Variants in NHLRC2 observed in about 807,000 individuals in gnomAD.
NHLRC2 encodes the protein NHL repeat containing 2, also known as NHL repeat-containing protein 2.
NHLRC2 carries 33 observed loss-of-function variants against 68.1 expected under a neutral mutation model. The observed-to-expected ratio is 0.48, with a 90% confidence interval of 0.37 to 0.65. The LOEUF (loss-of-function observed/expected upper bound fraction) is 0.65, where lower values mean the gene tolerates loss of function less well. Ranked by LOEUF, NHLRC2 falls within the 30% of genes least tolerant of loss-of-function variation. The probability of loss-of-function intolerance (pLI) is 0.00; values close to 1 mark genes in which losing one functional copy is unlikely to be tolerated. For missense variants in NHLRC2, 761 were observed against 853.8 expected (o/e 0.89, Z 1.35); for synonymous variants, 311 against 309.6 (o/e 1.00, Z -0.05).
At position 113,910,083 on chromosome 10, in the gene NHLRC2, T is replaced by G. The variant is rs1445631264; in HGVS notation, c.*1547T>G. The G allele has an allele frequency of 6.6e-6, 1 of 152,220 alleles. No individual in the cohort carries two copies. Among genetic ancestry groups the G allele is most frequent in the Non-Finnish European group, 1.5e-5 (1 of 68,038 alleles). The allele number at this position is 152,220 out of a possible 1,614,324, so 9.4% of individuals were successfully genotyped here. A position where few individuals can be genotyped will look rare whatever the true frequency, so the allele number is the denominator to read the frequency against. On this transcript the variant is annotated 3_prime_UTR_variant, in exon 11 of 11. Transcript: ENST00000369301. ...GATATAAAATTAAAAGGAATCCTGT[T>G]TAAAATTATATGTAATTACCTCATA...
intron 2 of NHLRC2, among the ~76,000 whole-genome samples, chr10:113,866,735 C>T (rs960114829): frequency 6.6e-6 from 1 of 151,618 alleles, no homozygotes. Context: ...CTCGCCTGCC[C>T]GCCTCCCCGC....
At chr10:113,896,807 AC>A (rs796584192) in intron 5 of NHLRC2, among the ~76,000 whole-genome samples, 3 of 152,164 alleles carry the variant, frequency 2.0e-5, no homozygotes, top group African/African-American at 7.2e-5. Flanking sequence ...ATCCTGGCTA[AC>A]ACAGTGAAAC....
At chr10:113,890,507 A>T (rs886653761) in intron 5 of NHLRC2, among the ~76,000 whole-genome samples, 1 of 151,852 alleles carries the variant, frequency 6.6e-6, no homozygotes, top group Non-Finnish European at 1.5e-5. Flanking sequence ...CTGTGGTTTG[A>T]TGTTCATTAT....
intron 4 of NHLRC2, among the ~76,000 whole-genome samples, chr10:113,883,886 G>A (rs1256624431): frequency 6.6e-6 from 1 of 151,892 alleles, no homozygotes; most frequent in Non-Finnish European, 1.5e-5. Context: ...TACTAGCTGA[G>A]CACAACTGAA....
chr10:113,913,847 GTT>G lies in NHLRC2; in HGVS notation c.*5328_*5329del, dbSNP rs1166883832. ...AGGTACTTTTTGTTGTTGTTGTTTT[GTT>G]TTTTTTTTTTTTTTTTGAGATGGAG... is the stretch of plus-strand genomic sequence containing the variant. On this transcript the variant is annotated 3_prime_UTR_variant, in exon 11 of 11. Transcript: ENST00000369301. The G allele has an allele frequency of 7.4e-5, 9 of 121,526 alleles. No homozygotes were observed. Among genetic ancestry groups the G allele is most frequent in the Non-Finnish European group, 1.2e-4 (7 of 57,274 alleles). 7.5% of individuals were successfully genotyped at this position (121,526 alleles called of 1,614,324 possible).
At chr10:113,890,934 CAA>C (rs751302926) in intron 5 of NHLRC2, among the ~76,000 whole-genome samples, 3 of 152,076 alleles carry the variant, frequency 2.0e-5, no homozygotes, top group Non-Finnish European at 2.9e-5. Context: ...AGCAGGCAGC[CAA>C]GAGAGAGTAC....
chr10:113,872,469 C>T (rs1283097342), intron 2 of NHLRC2, among the ~76,000 whole-genome samples: 1 of 151,676 alleles, frequency 6.6e-6, no homozygotes, highest in African/African-American at 2.4e-5. Context: ...AGTTAAAATG[C>T]TGATACAAAA....
chr10:113,880,566 TCTCA>T (rs1206069995), intron 4 of NHLRC2, among the ~76,000 whole-genome samples: 2 of 151,948 alleles, frequency 1.3e-5, no homozygotes, highest in Non-Finnish European at 1.5e-5. Flanking sequence ...GCCTTGTTTT[TCTCA>T]CTGTTTCTTT....
rs139349601 is a variant in NHLRC2, at chr10:113,858,649, C to T, written c.300C>T (p.Leu100=). Residue 100 remains leucine, a synonymous_variant, in exon 2 of 11, where the codon CTC becomes CTT. Transcript: ENST00000369301. ...CINCIHLLPD[L]HALEHTYSDK... is the part of the protein sequence containing the mutation. ...ACTGTATTCACCTATTGCCTGATCT[C>T]CATGCATTAGAACACACATACTCTG... 2 of 1,610,506 alleles carry T rather than the reference C, an allele frequency of 1.2e-6. No individual in the cohort carries two copies. Among genetic ancestry groups the T allele is most frequent in the African/African-American group, 2.7e-5 (2 of 74,866 alleles).
rs142447973 is a variant in NHLRC2, at chr10:113,908,403, G to T, written c.2048G>T (p.Ser683Ile). The T allele has an allele frequency of 3.0e-5, 48 of 1,613,980 alleles. No homozygotes were observed. The highest frequency in any genetic ancestry group is 3.9e-5 in the Non-Finnish European group (46 of 1,179,984). The change falls in exon 11 of 11, where the codon AGT (serine) becomes ATT (isoleucine). Residue 683 changes from serine (S) to isoleucine (I), a missense_variant. By Grantham distance (142) the Ser-to-Ile change is moderately radical (BLOSUM62 -2). Transcript: ENST00000369301. Reference sequence around the variant, plus strand: ...TCACTTGAAGCCATTGTATCTGTCAGTGTGTTTCTTTATTACTGTAGTGCA... The same window carrying T: ...TCACTTGAAGCCATTGTATCTGTCATTGTGTTTCTTTATTACTGTAGTGCA... ...CLSLEAIVSV[S>I]VFLYYCSADS...
At chr10:113,855,602 G>A (rs1845743220) in intron 1 of NHLRC2, among the ~76,000 whole-genome samples, 1 of 152,044 alleles carries the variant, frequency 6.6e-6, no homozygotes, top group Admixed American at 6.5e-5. Context: ...GGAGTAGCTG[G>A]GACTACAGGC....
At chr10:113,896,456 A>C (rs1589546596) in intron 5 of NHLRC2, among the ~76,000 whole-genome samples, 2 of 145,746 alleles carry the variant, frequency 1.4e-5, no homozygotes, top group Non-Finnish European at 3.0e-5. Flanking sequence ...CATAGGTGGG[A>C]ATTGAACAAT....
At chr10:113,898,018 T>G in intron 5 of NHLRC2, 92 bp from the exon 6 acceptor site, 1 of 609,482 alleles carries the variant, frequency 1.6e-6, no homozygotes, top group Non-Finnish European at 2.7e-6. Context: ...ACAAACATAT[T>G]GTTATCCTCC....
In NHLRC2 at chr10:113,915,661, G is replaced by T; in HGVS notation, c.*7125G>T. ...CCATTTTTTTGTTTTTAAGAGATAGGGTCTTGCTGTGTTGCCCAGGCTAGA... is the reference window on the plus strand; with the variant it reads ...CCATTTTTTTGTTTTTAAGAGATAGTGTCTTGCTGTGTTGCCCAGGCTAGA... On this transcript the variant is annotated 3_prime_UTR_variant, in exon 11 of 11. Transcript: ENST00000369301. 4.4e-6 allele frequency: 1 copy of T among 225,808 alleles called. No individual in the cohort carries two copies. Among genetic ancestry groups the T allele is most frequent in the Non-Finnish European group, 8.7e-6 (1 of 114,474 alleles). The allele number at this position is 225,808 out of a possible 1,614,324, so 14.0% of individuals were successfully genotyped here.
Position 113,914,851 on chromosome 10 carries a change from A to C in NHLRC2, c.*6315A>C. The C allele has an allele frequency of 8.2e-6, 3 of 363,670 alleles. No homozygotes were observed. Among genetic ancestry groups the C allele is most frequent in the South Asian group, 2.1e-5 (1 of 48,104 alleles). 22.5% of individuals were successfully genotyped at this position (363,670 alleles called of 1,614,324 possible). A position where few individuals can be genotyped will look rare whatever the true frequency, so the allele number is the denominator to read the frequency against. ...TTTGCAATAGGATAATATAAAGAAT[A>C]GTATTAAAAGTCAGAGGCTTTACTA... On this transcript the variant is annotated 3_prime_UTR_variant, in exon 11 of 11. Transcript: ENST00000369301.
At position 113,911,689 on chromosome 10, in the gene NHLRC2, A is replaced by G. The variant is rs1033252817; in HGVS notation, c.*3153A>G. 8 of 152,164 alleles carry G rather than the reference A, an allele frequency of 5.3e-5. No homozygotes were observed. The highest frequency in any genetic ancestry group is 5.9e-5 in the Non-Finnish European group (4 of 67,984). 9.4% of individuals were successfully genotyped at this position (152,164 alleles called of 1,614,324 possible). ...ATAGTTTTCTGCCTGCACAAAGTTT[A>G]CTATTAATTTATGTCTACCAGTTAA... is the stretch of plus-strand genomic sequence containing the variant. On this transcript the variant is annotated 3_prime_UTR_variant, in exon 11 of 11. Transcript: ENST00000369301.
chr10:113,901,890 A>AC lies in NHLRC2; in HGVS notation c.1368dup (p.Met457HisfsTer8). 1 of 1,608,142 alleles carries AC rather than the reference A, an allele frequency of 6.2e-7. No homozygotes were observed. Among genetic ancestry groups the AC allele is most frequent in the South Asian group, 1.1e-5 (1 of 90,950 alleles). ...AAGCACCTCGTAGGAGGAGAAAGAGACCCCATGGTAATGACAGTCACTCTT... is the reference window on the plus strand; with the variant it reads ...AAGCACCTCGTAGGAGGAGAAAGAGACCCCCATGGTAATGACAGTCACTCTT... On this transcript the variant is annotated frameshift_variant, in exon 7 of 11. Transcript: ENST00000369301. LOFTEE classifies it high-confidence loss of function.
intron 2 of NHLRC2, among the ~76,000 whole-genome samples, chr10:113,873,944 A>G (rs901856008): frequency 2.6e-5 from 4 of 152,096 alleles, no homozygotes; most frequent in East Asian, 3.9e-4. Flanking sequence ...TGTATCTTTT[A>G]TGTAAAGAAC....
At chr10:113,904,028 G>T (rs1402602276) in intron 9 of NHLRC2, among the ~76,000 whole-genome samples, 2 of 150,534 alleles carry the variant, frequency 1.3e-5, no homozygotes, top group Non-Finnish European at 3.0e-5. Flanking sequence ...CTGTTTTTAA[G>T]TGTACAGACA....
Sources: allele counts gnomAD v4.1 joint callset (sites outside exome capture counted in the v4.1 genomes callset), GRCh38; gene constraint gnomAD v4.1.1; transcripts MANE v1.5; gene names NCBI Gene and HGNC (gene_info 2026-07-23, HGNC 2026-07-21).